The following FBXL20 variants were observed in gnomAD, a reference collection of about 807,000 sequenced individuals.
FBXL20 encodes F-box/LRR-repeat protein 20.
A neutral mutation model predicts 64.0 loss-of-function variants in FBXL20; 11 were observed. The observed-to-expected ratio is 0.17, with a 90% CI of 0.11 to 0.28. The LOEUF (loss-of-function observed/expected upper bound fraction) is 0.28. Ranked by LOEUF, FBXL20 falls within the 10% of genes least tolerant of loss-of-function variation. FBXL20 has a pLI of 1.00. For synonymous variants in FBXL20, 184 were observed against 189.0 expected (o/e 0.97, Z 0.22); for missense variants, 303 against 526.2 (o/e 0.58, Z 4.15).
intron 2 of FBXL20, among the ~76,000 whole-genome samples, chr17:39,314,771 G>T (rs1165292434): frequency 1.3e-5 from 2 of 148,192 alleles, no homozygotes; most frequent in South Asian, 2.2e-4. Context: ...GTTTGTGAGG[G>T]TTTTAATTTC....
At chr17:39,312,375 C>A (rs1284783921) in intron 2 of FBXL20, among the ~76,000 whole-genome samples, 1 of 151,104 alleles carries the variant, frequency 6.6e-6, no homozygotes, top group East Asian at 2.0e-4. Flanking sequence ...GATTGTGCCA[C>A]TGCACTCCAG....
chr17:39,394,301 CAG>C (rs999594495), intron 1 of FBXL20, among the ~76,000 whole-genome samples: 1 of 136,270 alleles, frequency 7.3e-6, no homozygotes, highest in Non-Finnish European at 1.5e-5. Context: ...TTTTTTGAGA[CAG>C]AGTCTCGCTC....
chr17:39,401,801 G>A (rs1377600031), upstream of FBXL20: 9 of 836,092 alleles, frequency 1.1e-5, no homozygotes, highest in African/African-American at 1.8e-5. Context: ...CGGCCCTGAC[G>A]GCGCTCCCGG....
At chr17:39,367,377 C>T (rs568134374) in intron 1 of FBXL20, among the ~76,000 whole-genome samples, 6 of 148,580 alleles carry the variant, frequency 4.0e-5, no homozygotes, top group Admixed American at 3.4e-4. Flanking sequence ...AGTGCAGTGG[C>T]GCAATCTCGG....
intron 2 of FBXL20, among the ~76,000 whole-genome samples, chr17:39,325,195 C>A (rs1299545306): frequency 6.6e-6 from 1 of 152,038 alleles, no homozygotes; most frequent in Non-Finnish European, 1.5e-5. Flanking sequence ...ATGACAGAGA[C>A]CCTGTCTCAA....
intron 1 of FBXL20, among the ~76,000 whole-genome samples, chr17:39,359,675 T>C (rs745483713): frequency 4.0e-5 from 6 of 151,556 alleles, no homozygotes; most frequent in South Asian, 2.1e-4. Context: ...TTAAGAGACA[T>C]TGCTGCATTG....
chr17:39,379,992 A>G (rs1293827292), intron 1 of FBXL20, among the ~76,000 whole-genome samples: 1 of 152,038 alleles, frequency 6.6e-6, no homozygotes, highest in Non-Finnish European at 1.5e-5. Context: ...CAAAGAAATT[A>G]GAAATAAATA....
chr17:39,374,282 A>C (rs2047946197), intron 1 of FBXL20, among the ~76,000 whole-genome samples: 1 of 151,916 alleles, frequency 6.6e-6, no homozygotes, highest in South Asian at 2.1e-4. Flanking sequence ...TAATCCTAGC[A>C]CTTTGGGAGG....
At chr17:39,343,561 G>A (rs1391860837) in intron 1 of FBXL20, among the ~76,000 whole-genome samples, 2 of 152,044 alleles carry the variant, frequency 1.3e-5, no homozygotes, top group Non-Finnish European at 2.9e-5. Context: ...AGGAAGCTTG[G>A]TTACCAAAGG....
At chr17:39,401,811 G>A (rs2048249634), upstream of FBXL20, 1 of 747,124 alleles carries the variant, frequency 1.3e-6, no homozygotes, top group Non-Finnish European at 1.7e-6. Flanking sequence ...GGCGCTCCCG[G>A]GAGCAGCCGG....
intron 1 of FBXL20, among the ~76,000 whole-genome samples, chr17:39,397,887 TC>T (rs2048199074): frequency 1.3e-5 from 2 of 151,108 alleles, no homozygotes; most frequent in Non-Finnish European, 2.9e-5. Context: ...GAATCCTGGT[TC>T]CCCCACTTAC....
intron 9 of FBXL20, 117 bp downstream of exon 9, chr17:39,281,272 T>C: frequency 1.2e-6 from 1 of 851,320 alleles, no homozygotes; most frequent in Non-Finnish European, 1.9e-6. Flanking sequence ...ACTTTGTCAC[T>C]AGGGTTGTGG....
At chr17:39,266,864 C>G (rs1211859699) in intron 12 of FBXL20, among the ~76,000 whole-genome samples, 1 of 152,152 alleles carries the variant, frequency 6.6e-6, no homozygotes, top group Non-Finnish European at 1.5e-5. Context: ...AAAATCTGTC[C>G]CCTTGGTAGC....
intron 1 of FBXL20, among the ~76,000 whole-genome samples, chr17:39,375,797 C>T (rs970932635): frequency 3.9e-5 from 6 of 152,088 alleles, no homozygotes; most frequent in Non-Finnish European, 7.3e-5. Flanking sequence ...TAATTTACCC[C>T]AAATGTGCCT....
At chr17:39,261,809 G>A (rs957577214) in intron 14 of FBXL20, among the ~76,000 whole-genome samples, 1 of 152,030 alleles carries the variant, frequency 6.6e-6, no homozygotes, top group African/African-American at 2.4e-5. Flanking sequence ...AGGGCCGGGC[G>A]CGGTGGCTCA....
chr17:39,275,145 C>CA, intron 9 of FBXL20, 45 bp from the exon 10 acceptor site: 1 of 1,540,052 alleles, frequency 6.5e-7, no homozygotes, highest in Non-Finnish European at 8.7e-7. Context: ...AGTATCTTAG[C>CA]AAAACAAAAA....
chr17:39,335,246 C>A (rs2047509064), intron 2 of FBXL20, among the ~76,000 whole-genome samples: 2 of 151,946 alleles, frequency 1.3e-5, no homozygotes. Context: ...CTTCCCCCTG[C>A]ACAGATCTAC....
chr17:39,307,722 GCA>G (rs2047195518), intron 2 of FBXL20, among the ~76,000 whole-genome samples: 1 of 151,980 alleles, frequency 6.6e-6, no homozygotes, highest in African/African-American at 2.4e-5. Context: ...GTAATCCCCA[GCA>G]CTTTGGGAGG....
intron 2 of FBXL20, among the ~76,000 whole-genome samples, chr17:39,322,163 CAAAAAAAAAAAAA>C (rs761771926): frequency 5.7e-5 from 3 of 52,552 alleles, no homozygotes; most frequent in East Asian, 1.2e-3. Flanking sequence ...CTATCTCTAC[CAAAAAAAAAAAAA>C]AAAAAAAAAA....
Sources: gnomAD v4.1 joint callset for allele counts (sites outside exome capture counted in the v4.1 genomes callset) on GRCh38, gnomAD v4.1.1 for gene constraint, MANE v1.5 for transcripts, NCBI Gene and HGNC (gene_info 2026-07-23, HGNC 2026-07-21) for gene names.